L3MBTL4: variants seen among roughly 807,000 people sequenced by gnomAD.
L3MBTL4 encodes lethal(3)malignant brain tumor-like protein 4.
A neutral mutation model predicts 84.5 loss-of-function variants in L3MBTL4; 70 were observed. The ratio of observed to expected loss-of-function variants is 0.83; its 90% confidence interval spans 0.68 to 1.01. L3MBTL4 has a LOEUF of 1.01. Ranked by LOEUF, L3MBTL4 falls within the 50% of genes least tolerant of loss-of-function variation. The pLI is 0.00. For missense variants in L3MBTL4, 715 were observed against 754.8 expected (o/e 0.95, Z 0.62); for synonymous variants, 274 against 259.8 (o/e 1.05, Z -0.52).
intron 16 of L3MBTL4, among the ~76,000 whole-genome samples, chr18:6,075,850 TA>T (rs1444158582): frequency 2.0e-5 from 3 of 152,226 alleles, no homozygotes; most frequent in African/African-American, 7.2e-5. Context: ...AGATACTTCA[TA>T]AAAGAAGATA....
chr18:5,979,832 G>A (rs1004977282), intron 16 of L3MBTL4, among the ~76,000 whole-genome samples: 1 of 152,176 alleles, frequency 6.6e-6, no homozygotes, highest in Non-Finnish European at 1.5e-5. Flanking sequence ...GTCCCTGGAG[G>A]TATTGTCAGA....
intron 15 of L3MBTL4, 111 bp from the exon 16 acceptor site, chr18:6,081,062 G>T: frequency 1.4e-6 from 1 of 721,290 alleles, no homozygotes; most frequent in Middle Eastern, 3.2e-4. Flanking sequence ...ATAGTGAATT[G>T]GCAGGTATTT....
intron 16 of L3MBTL4, among the ~76,000 whole-genome samples, chr18:6,043,211 A>G (rs2056475955): frequency 6.6e-6 from 1 of 152,054 alleles, no homozygotes; most frequent in Admixed American, 6.6e-5. Flanking sequence ...CCAGCTGATC[A>G]ATGTGTATCT....
chr18:5,966,331 C>A (rs989323908), intron 17 of L3MBTL4, among the ~76,000 whole-genome samples: 5 of 152,128 alleles, frequency 3.3e-5, no homozygotes. Flanking sequence ...ATATACTGTA[C>A]ACAATTTTTC....
chr18:6,185,292 A>G (rs938121099), intron 12 of L3MBTL4, among the ~76,000 whole-genome samples: 5 of 152,222 alleles, frequency 3.3e-5, no homozygotes, highest in Admixed American at 1.3e-4. Context: ...TCAAGTGGGA[A>G]ATACCGCAGT....
chr18:5,960,275 T>C (rs765288181), intron 17 of L3MBTL4, 119 bp from the exon 18 acceptor site: 2 of 430,300 alleles, frequency 4.6e-6, no homozygotes, highest in East Asian at 8.7e-5. Context: ...GGGAATTAAA[T>C]AGTAACTATC....
intron 4 of L3MBTL4, among the ~76,000 whole-genome samples, chr18:6,288,059 A>G (rs1310019260): frequency 6.6e-6 from 1 of 152,174 alleles, no homozygotes; most frequent in Non-Finnish European, 1.5e-5. Context: ...ATAAAAGAGA[A>G]ATCTTAAAGT....
intron 1 of L3MBTL4, among the ~76,000 whole-genome samples, chr18:6,386,550 C>A (rs1164712718): frequency 6.6e-6 from 1 of 152,200 alleles, no homozygotes; most frequent in Admixed American, 6.5e-5. Flanking sequence ...AAGAAACACA[C>A]AGATAATCCA....
chr18:6,028,538 T>A (rs2055622751), intron 16 of L3MBTL4, among the ~76,000 whole-genome samples: 1 of 152,240 alleles, frequency 6.6e-6, no homozygotes, highest in Non-Finnish European at 1.5e-5. Context: ...TGGTTCCATA[T>A]GAAATTTAAA....
intron 17 of L3MBTL4, among the ~76,000 whole-genome samples, chr18:5,964,810 T>A (rs1040573055): frequency 6.6e-6 from 1 of 152,144 alleles, no homozygotes; most frequent in African/African-American, 2.4e-5. Flanking sequence ...CGCGTGTGCC[T>A]ACACATATAT....
At chr18:6,312,585 C>CT (rs532545336) in intron 1 of L3MBTL4, among the ~76,000 whole-genome samples, 14 of 152,278 alleles carry the variant, frequency 9.2e-5, no homozygotes, top group African/African-American at 3.4e-4. Context: ...ACCATGGGCT[C>CT]TACACCCACG....
chr18:6,121,912 A>G (rs961363633), intron 14 of L3MBTL4, among the ~76,000 whole-genome samples: 5 of 152,178 alleles, frequency 3.3e-5, no homozygotes, highest in African/African-American at 9.6e-5. Flanking sequence ...CTGATCTAAA[A>G]TCTTCCTAAT....
intron 16 of L3MBTL4, among the ~76,000 whole-genome samples, chr18:6,067,990 T>G (rs1465833113): frequency 6.6e-6 from 1 of 152,204 alleles, no homozygotes; most frequent in Non-Finnish European, 1.5e-5. Flanking sequence ...TTTTCCCTCT[T>G]AAGGATCTGA....
intron 16 of L3MBTL4, chr18:6,030,685 T>C: frequency 1.1e-5 from 11 of 964,146 alleles, no homozygotes; most frequent in African/African-American, 1.8e-5. Flanking sequence ...AATAAAAAAA[T>C]TTGTTTCAAT....
intron 10 of L3MBTL4, among the ~76,000 whole-genome samples, chr18:6,225,651 T>G (rs990948166): frequency 6.6e-6 from 1 of 151,396 alleles, no homozygotes; most frequent in African/African-American, 2.4e-5. Context: ...TCCCAGCTAC[T>G]CAGGAGGCTG....
At chr18:6,175,002 A>G (rs1011210229) in intron 12 of L3MBTL4, among the ~76,000 whole-genome samples, 4 of 152,180 alleles carry the variant, frequency 2.6e-5, no homozygotes, top group African/African-American at 9.7e-5. Flanking sequence ...GTGGTCAAAC[A>G]AAACCAACGC....
intron 10 of L3MBTL4, among the ~76,000 whole-genome samples, chr18:6,220,221 C>T (rs909508075): frequency 1.3e-5 from 2 of 152,060 alleles, no homozygotes; most frequent in African/African-American, 4.8e-5. Context: ...AAAACCTTCT[C>T]TACCATGTCA....
At chr18:6,031,045 C>G in intron 16 of L3MBTL4, 1 of 985,448 alleles carries the variant, frequency 1.0e-6, no homozygotes, top group Non-Finnish European at 1.2e-6. Context: ...TCTGGCTGGA[C>G]TGCTCCATAA....
At chr18:5,991,893 C>T (rs573329334) in intron 16 of L3MBTL4, among the ~76,000 whole-genome samples, 1 of 152,094 alleles carries the variant, frequency 6.6e-6, no homozygotes, top group South Asian at 2.1e-4. Flanking sequence ...GGAGGGATTT[C>T]CCACACTTCT....
Sources: gnomAD v4.1 joint callset for allele counts (sites outside exome capture counted in the v4.1 genomes callset) on GRCh38, gnomAD v4.1.1 for gene constraint, MANE v1.5 for transcripts, NCBI Gene and HGNC (gene_info 2026-07-23, HGNC 2026-07-21) for gene names.